Variants in MGA observed in about 807,000 individuals in gnomAD.
MGA encodes MAX dimerization protein MGA, also known as MAX gene-associated protein.
MGA carries 40 observed loss-of-function variants against 261.1 expected under a neutral mutation model. That is an observed-to-expected ratio of 0.15 (90% CI 0.12 to 0.20). The LOEUF (loss-of-function observed/expected upper bound fraction) is 0.20. MGA is among the 10% of genes least tolerant of loss of function. The probability of loss-of-function intolerance (pLI) is 1.00; values close to 1 mark genes in which losing one functional copy is unlikely to be tolerated. For synonymous variants in MGA, 1,302 were observed against 1,290.6 expected, an observed-to-expected ratio of 1.01 and a Z score of -0.19; for missense variants, 3,397 against 3,630.5, an observed-to-expected ratio of 0.94 and a Z score of 1.65.
chr15:41,666,853 G>A (rs947364356), intron 1 of MGA, among the ~76,000 whole-genome samples: 1 of 152,202 alleles, frequency 6.6e-6, no homozygotes, highest in Non-Finnish European at 1.5e-5. Context: ...ACAGGTGTGT[G>A]TATTTAAAAT....
intron 5 of MGA, among the ~76,000 whole-genome samples, chr15:41,703,718 G>T (rs757029087): frequency 6.6e-6 from 1 of 151,982 alleles, no homozygotes; most frequent in Non-Finnish European, 1.5e-5. Flanking sequence ...CTCCAGCCTG[G>T]GCAACAGAGC....
At position 41,766,837 on chromosome 15, in the gene MGA, C is replaced by G; in HGVS notation, c.8755C>G (p.Pro2919Ala). 6.2e-7 allele frequency: 1 copy of G among 1,613,990 alleles called. No individual in the cohort carries two copies. Among genetic ancestry groups the G allele is most frequent in the Non-Finnish European group, 8.5e-7 (1 of 1,179,898 alleles). ...TGAGAATGAAAAACAACTTGCAGAA[C>G]CAGCCTCTGAGCCAGATGTCCTTAA... Residue 2919 changes from proline (P) to alanine (A), a missense_variant, in exon 24 of 24, where the codon CCA (proline) becomes GCA (alanine). Coordinates refer to ENST00000219905, the MANE Select transcript of MGA (RefSeq NM_001164273.2).
rs754245030 is a variant in MGA at position 41,766,689 on chromosome 15, T to A, written c.8607T>A (p.Pro2869=). The change falls in exon 24 of 24, where the codon CCT becomes CCA. Residue 2869 remains proline, a synonymous_variant. Coordinates refer to ENST00000219905, the MANE Select transcript of MGA (RefSeq NM_001164273.2). ...GGGCTTTTATTAGTAAGGTTCCTCC[T>A]GGAAGCAGAGCAACTTTCCAGGTTG... The A allele has an allele frequency of 6.2e-7, 1 of 1,614,018 alleles. No individual in the cohort carries two copies. Among genetic ancestry groups the A allele is most frequent in the South Asian group, 1.1e-5 (1 of 91,076 alleles).
chr15:41,682,269 A>G (rs555601966), intron 2 of MGA, among the ~76,000 whole-genome samples: 1 of 151,982 alleles, frequency 6.6e-6, no homozygotes, highest in African/African-American at 2.4e-5. Context: ...ACATACACAC[A>G]CACGTACATA....
chr15:41,678,169 C>T (rs1416942640), intron 2 of MGA, among the ~76,000 whole-genome samples: 3 of 151,012 alleles, frequency 2.0e-5, no homozygotes, highest in Non-Finnish European at 2.9e-5. Context: ...CGACTCACTG[C>T]AACCTGTGCC....
chr15:41,713,643 C>A, intron 9 of MGA, 147 bp downstream of exon 9: 1 of 1,008,624 alleles, frequency 9.9e-7, no homozygotes, highest in Non-Finnish European at 1.4e-6. Context: ...CTCTTTCTGA[C>A]TGGCTATCTG....
intron 1 of MGA, among the ~76,000 whole-genome samples, chr15:41,633,774 C>G (rs2056642889): frequency 6.6e-6 from 1 of 152,088 alleles, no homozygotes; most frequent in Non-Finnish European, 1.5e-5. Context: ...ATTGGAGATG[C>G]TGATGCTGTT....
intron 9 of MGA, among the ~76,000 whole-genome samples, chr15:41,717,256 G>C (rs1014516516): frequency 6.6e-6 from 1 of 152,138 alleles, no homozygotes. Context: ...ACTGCTGGCT[G>C]TGCAGAGGTA....
At chr15:41,635,909 C>A (rs2056694075) in intron 1 of MGA, among the ~76,000 whole-genome samples, 1 of 152,022 alleles carries the variant, frequency 6.6e-6, no homozygotes, top group African/African-American at 2.4e-5. Flanking sequence ...TGTAAACAAA[C>A]CTGTGCTGCC....
At chr15:41,670,047 T>C in intron 2 of MGA, 89 bp downstream of exon 2, 4 of 1,035,258 alleles carry the variant, frequency 3.9e-6, no homozygotes, top group Non-Finnish European at 5.6e-6. Flanking sequence ...TGTGGAATGC[T>C]ACAGATGTTG....
intron 1 of MGA, among the ~76,000 whole-genome samples, chr15:41,651,337 G>T (rs1007914728): frequency 6.6e-6 from 1 of 152,014 alleles, no homozygotes; most frequent in African/African-American, 2.4e-5. Flanking sequence ...CTCTTGTTTT[G>T]ATCTTCAGTG....
intron 17 of MGA, among the ~76,000 whole-genome samples, chr15:41,752,577 CAG>C (rs1206777017): frequency 2.8e-5 from 2 of 71,534 alleles, no homozygotes; most frequent in Admixed American, 1.7e-4. Context: ...TTTTTTTTAA[CAG>C]AGTCTCGCTT....
At position 41,702,301 on chromosome 15, in the gene MGA, C is replaced by T. The variant is rs192315753; in HGVS notation, c.2188+3142C>T. On this transcript the variant is annotated intron_variant, in intron 5 of 23. Coordinates refer to ENST00000219905, the MANE Select transcript of MGA (RefSeq NM_001164273.2). ...TCGCGCCACCACACTCCAGCCTGGGCGACACAGTGAGACATTGTCTCAAAA... is the reference window on the plus strand; with the variant it reads ...TCGCGCCACCACACTCCAGCCTGGGTGACACAGTGAGACATTGTCTCAAAA... Among the ~76,000 whole-genome samples the T allele has an allele frequency of 9.8e-5, 14 of 143,052 alleles. No homozygotes were observed. The East Asian group carries it at 1.0e-3, about 10-fold the overall frequency. The allele number at this position is 143,052 out of a possible 152,430, so 93.8% of individuals were successfully genotyped here.
chr15:41,694,717 T>A (rs1164994572), intron 2 of MGA, among the ~76,000 whole-genome samples: 1 of 152,038 alleles, frequency 6.6e-6, no homozygotes, highest in Non-Finnish European at 1.5e-5. Context: ...TAGCACCGTG[T>A]TAGCCAGGAT....
rs995717302 is a variant in MGA at position 41,767,485 on chromosome 15, T to A, written c.*205T>A. 5 of 597,648 alleles carry A rather than the reference T, an allele frequency of 8.4e-6. No homozygotes were observed. The highest frequency in any genetic ancestry group is 1.5e-5 in the Non-Finnish European group (5 of 342,886). The allele number at this position is 597,648 out of a possible 1,614,324, so 37.0% of individuals were successfully genotyped here. On this transcript the variant is annotated 3_prime_UTR_variant, in exon 24 of 24. Transcript: ENST00000219905. ...TCTGATCATGTTAAAATGTGTTACCTCACTTGTGGTGCTGGGTCCCCTCAT... is the reference window on the plus strand; with the variant it reads ...TCTGATCATGTTAAAATGTGTTACCACACTTGTGGTGCTGGGTCCCCTCAT...
intron 1 of MGA, among the ~76,000 whole-genome samples, chr15:41,624,884 A>G (rs1440049559): frequency 6.6e-6 from 1 of 152,210 alleles, no homozygotes; most frequent in Non-Finnish European, 1.5e-5. Context: ...GCTCATGTCT[A>G]TAATCCCAGC....
At position 41,713,261 on chromosome 15, in the gene MGA, G is replaced by T. The variant is rs755722979; in HGVS notation, c.3195G>T (p.Lys1065Asn). The T allele has an allele frequency of 1.2e-5, 20 of 1,613,880 alleles. 1 individual carries two copies. The Admixed American group carries it at 3.3e-4, about 27-fold the overall frequency. ...TATGTTCCAGTCTAGCTTTGGAGAA[G>T]CGCCAACCTGCTCACTGCCGCCGAC... The change falls in exon 9 of 24, where the codon AAG (lysine) becomes AAT (asparagine). Residue 1065 changes from lysine to asparagine, a missense_variant. Around this residue, in one of 9 missense-constraint regions of MGA, gnomAD observed 519 missense variants for 554.1 expected, o/e 0.94. Coordinates refer to ENST00000219905, the MANE Select transcript of MGA (RefSeq NM_001164273.2).
At chr15:41,624,809 T>G (rs1195025251) in intron 1 of MGA, among the ~76,000 whole-genome samples, 1 of 152,040 alleles carries the variant, frequency 6.6e-6, no homozygotes, top group Non-Finnish European at 1.5e-5. Flanking sequence ...AATCAGAAAA[T>G]TACTACTTTA....
At chr15:41,623,875 C>G (rs1192987411) in intron 1 of MGA, among the ~76,000 whole-genome samples, 1 of 149,980 alleles carries the variant, frequency 6.7e-6, no homozygotes, top group Admixed American at 6.6e-5. Context: ...AAGCAATTCT[C>G]CTGCCTCAGA....
Sources: allele counts gnomAD v4.1 joint callset (sites outside exome capture counted in the v4.1 genomes callset), GRCh38; gene constraint gnomAD v4.1.1; regional missense constraint gnomAD v4.1.1; transcripts MANE v1.5; gene names NCBI Gene and HGNC (gene_info 2026-07-23, HGNC 2026-07-21).